GCM1: variants seen among roughly 807,000 people sequenced by gnomAD.
The protein encoded by GCM1 is GCM transcription factor 1.
In GCM1, 2 loss-of-function variants were observed where a neutral mutation model predicts 25.7. The ratio of observed to expected loss-of-function variants is 0.08; its 90% confidence interval spans 0.03 to 0.24. GCM1 has a LOEUF of 0.24. GCM1 is among the 10% of genes least tolerant of loss of function. The pLI is 1.00. For synonymous variants in GCM1, 183 were observed against 195.7 expected (o/e 0.94, Z 0.54); for missense variants, 395 against 538.7 (o/e 0.73, Z 2.64).
chr6:53,147,490 G>T (rs528163172), intron 1 of GCM1, among the ~76,000 whole-genome samples: 1 of 141,958 alleles, frequency 7.0e-6, no homozygotes, highest in Non-Finnish European at 1.5e-5. Flanking sequence ...GTGCAGTGGC[G>T]CAATCTCAGC....
chr6:53,134,347 G>A (rs780071146), intron 2 of GCM1, 23 bp from the exon 3 acceptor site: 6 of 1,606,378 alleles, frequency 3.7e-6, no homozygotes, highest in Admixed American at 1.7e-5. Context: ...CAAAAGATAC[G>A]ACTATACTTT....
intron 2 of GCM1, among the ~76,000 whole-genome samples, chr6:53,140,936 A>T (rs149837892): frequency 6.6e-6 from 1 of 152,340 alleles, no homozygotes; most frequent in East Asian, 1.9e-4. Flanking sequence ...GCTTGGATCA[A>T]GCAAACCTTA....
Position 53,128,569 on chromosome 6 carries a change from A to G in GCM1, c.948T>C (p.Tyr316=). The G allele has an allele frequency of 6.2e-7, 1 of 1,614,140 alleles. No individual in the cohort carries two copies. The highest frequency in any genetic ancestry group is 1.1e-5 in the South Asian group (1 of 91,082). ...NHLADNCYSN[Y]PFPLTSWPCS... is the part of the protein sequence containing the mutation. Reference sequence around the variant, plus strand: ...AAGGCCAGCTGGTCAGAGGAAAAGGATAATTGGAATAACAGTTGTCAGCAA... The same window carrying G: ...AAGGCCAGCTGGTCAGAGGAAAAGGGTAATTGGAATAACAGTTGTCAGCAA... The change falls in exon 6 of 6, where the codon TAT becomes TAC. Residue 316 remains tyrosine (Y), a synonymous_variant. Coordinates refer to ENST00000259803, the MANE Select transcript of GCM1 (RefSeq NM_003643.4).
chr6:53,139,508 A>C (rs1324577340), intron 2 of GCM1, among the ~76,000 whole-genome samples: 2 of 151,778 alleles, frequency 1.3e-5, no homozygotes, highest in South Asian at 2.1e-4. Flanking sequence ...AAAAAAAAAA[A>C]AAAAAAAAGG....
intron 3 of GCM1, 77 bp downstream of exon 3, chr6:53,133,995 T>G (rs1763762682): frequency 7.1e-7 from 1 of 1,414,748 alleles, no homozygotes; most frequent in African/African-American, 1.4e-5. Flanking sequence ...TGGGCGGTGC[T>G]GGGACACAGT....
chr6:53,140,035 CAAT>C (rs1222040245), intron 2 of GCM1, among the ~76,000 whole-genome samples: 2 of 152,070 alleles, frequency 1.3e-5, no homozygotes, highest in Admixed American at 6.6e-5. Context: ...CCAGCAGATG[CAAT>C]AATGCTCCTA....
chr6:53,147,455 T>C (rs1426815056), intron 1 of GCM1, among the ~76,000 whole-genome samples: 1 of 142,128 alleles, frequency 7.0e-6, no homozygotes, highest in East Asian at 2.1e-4. Flanking sequence ...TTTAATGGAG[T>C]CTTACTCTTA....
chr6:53,130,974 A>G lies in GCM1; in HGVS notation c.442-43T>C, dbSNP rs949588057. The stretch of plus-strand genomic sequence containing the variant: ...AGTAGAAAGGAAATGATATAACACT[A>G]ACTAGACTGTGTTTCATGGTGTATC... On this transcript the variant is annotated intron_variant, in intron 4 of 5. Coordinates refer to ENST00000259803, the MANE Select transcript of GCM1 (RefSeq NM_003643.4). The G allele has an allele frequency of 2.6e-6, 4 of 1,555,456 alleles. No individual in the cohort carries two copies. The African/African-American group carries it at 5.4e-5, about 21-fold the overall frequency.
intron 4 of GCM1, 33 bp downstream of exon 4, chr6:53,131,974 G>T: frequency 8.3e-7 from 1 of 1,198,936 alleles, no homozygotes; most frequent in Non-Finnish European, 1.2e-6. Context: ...CCTCAGTAAT[G>T]AAACTCTCAC....
Position 53,128,265 on chromosome 6 carries a change from A to G in GCM1, c.1252T>C (p.Tyr418His), listed in dbSNP as rs145233025. The G allele has an allele frequency of 2.5e-6, 4 of 1,613,300 alleles. No homozygotes were observed. Among genetic ancestry groups the G allele is most frequent in the Admixed American group, 1.7e-5 (1 of 59,994 alleles). The part of the protein sequence containing the change: ...SKWDFEEEMT[Y>H]LGLDHCNNDM... ...TTGTTGCAGTGATCCAAACCCAAGTATGTCATTTCTTCCTCAAAATCCCAT... is the reference window on the plus strand; with the variant it reads ...TTGTTGCAGTGATCCAAACCCAAGTGTGTCATTTCTTCCTCAAAATCCCAT... The change falls in exon 6 of 6, where the codon TAC becomes CAC. Residue 418 changes from tyrosine to histidine, a missense_variant. By Grantham distance (83) the Tyr-to-His change is moderately conservative. Around this residue, in one of 5 missense-constraint regions of GCM1, gnomAD observed 291 missense variants for 314.6 expected, o/e 0.92. Transcript: ENST00000259803.
At chr6:53,140,258 T>G (rs559655848) in intron 2 of GCM1, among the ~76,000 whole-genome samples, 4 of 152,244 alleles carry the variant, frequency 2.6e-5, no homozygotes, top group African/African-American at 9.6e-5. Context: ...GGGATAATAA[T>G]TGACAAGAAA....
chr6:53,140,499 A>C (rs1264398372), intron 2 of GCM1, among the ~76,000 whole-genome samples: 2 of 140,700 alleles, frequency 1.4e-5, no homozygotes, highest in African/African-American at 5.2e-5. Context: ...AGTTGACTTT[A>C]CTATTCTATA....
intron 2 of GCM1, among the ~76,000 whole-genome samples, chr6:53,144,757 A>G (rs1763929016): frequency 6.6e-6 from 1 of 152,068 alleles, no homozygotes; most frequent in Admixed American, 6.6e-5. Flanking sequence ...TCTACAAAAA[A>G]TACAAAAATT....
At chr6:53,134,666 A>T (rs1422953654) in intron 2 of GCM1, among the ~76,000 whole-genome samples, 1 of 152,232 alleles carries the variant, frequency 6.6e-6, no homozygotes, top group Non-Finnish European at 1.5e-5. Context: ...ATGCTCTTAC[A>T]CAATAACTAT....
chr6:53,128,179 T>C lies in GCM1; in HGVS notation c.*27A>G. ...CAGCCCTTCCCCATTTTTGAGGGGC[T>C]GGGGTGCACATAGTGAAAGATTTGG... is the stretch of plus-strand genomic sequence containing the variant. On this transcript the variant is annotated 3_prime_UTR_variant, in exon 6 of 6. Coordinates refer to ENST00000259803, the MANE Select transcript of GCM1 (RefSeq NM_003643.4). 6.3e-7 allele frequency: 1 copy of C among 1,576,076 alleles called. No homozygotes were observed. The highest frequency in any genetic ancestry group is 1.1e-5 in the South Asian group (1 of 88,324).
At position 53,134,334 on chromosome 6, in the gene GCM1, A is replaced by G. The variant is rs781654445; in HGVS notation, c.76-10T>C. On this transcript the variant is annotated splice_polypyrimidine_tract_variant and intron_variant, in intron 2 of 5. Coordinates refer to ENST00000259803, the MANE Select transcript of GCM1 (RefSeq NM_003643.4). ...CGGTTTTTTTCACGTTCTGATAGAA[A>G]CACAAAAGATACGACTATACTTTAA... The G allele has an allele frequency of 3.0e-5, 48 of 1,612,464 alleles. No homozygotes were observed. In the South Asian group the frequency reaches 4.7e-4, roughly 16 times the overall value.
At chr6:53,129,843 C>T (rs1763700123) in intron 5 of GCM1, among the ~76,000 whole-genome samples, 1 of 152,004 alleles carries the variant, frequency 6.6e-6, no homozygotes, top group Admixed American at 6.6e-5. Flanking sequence ...ACGAGTGGTA[C>T]ATTCATTTAT....
chr6:53,130,857 C>G lies in GCM1; in HGVS notation c.516G>C (p.Val172=). The part of the protein sequence containing the change: ...EAEARRAMKK[V]NTAPSSVSLS... ...ATGAGACGGAGGAAGGTGCTGTGTT[C>G]ACTTTCTTCATGGCTCTTCTTGCCT... The change falls in exon 5 of 6, where the codon GTG becomes GTC. Residue 172 remains valine, a synonymous_variant. Transcript: ENST00000259803. 5 of 1,613,868 alleles carry G rather than the reference C, an allele frequency of 3.1e-6. No homozygotes were observed. The highest frequency in any genetic ancestry group is 3.4e-6 in the Non-Finnish European group (4 of 1,179,724).
intron 2 of GCM1, among the ~76,000 whole-genome samples, chr6:53,143,965 C>T (rs1763917317): frequency 6.6e-6 from 1 of 152,198 alleles, no homozygotes. Flanking sequence ...CTTCTGATAA[C>T]TCAAATTCCT....
Sources: allele counts gnomAD v4.1 joint callset (sites outside exome capture counted in the v4.1 genomes callset), GRCh38; gene constraint gnomAD v4.1.1; regional missense constraint gnomAD v4.1.1; transcripts MANE v1.5; gene names NCBI Gene and HGNC (gene_info 2026-07-23, HGNC 2026-07-21).